Variants in TEN1 observed in about 807,000 individuals in gnomAD.
The protein encoded by TEN1 is TEN1 subunit of CST complex, also known as CST complex subunit TEN1.
In TEN1, 6 loss-of-function variants were observed where a neutral mutation model predicts 9.3. The ratio of observed to expected loss-of-function variants is 0.65; its 90% CI spans 0.35 to 1.27. The LOEUF (loss-of-function observed/expected upper bound fraction) is 1.27. TEN1 is among the 50% of genes most tolerant of loss of function. The pLI, the probability that TEN1 is intolerant of heterozygous loss-of-function variation, is 0.03. For missense variants in TEN1, 149 were observed against 158.2 expected (o/e 0.94, Z 0.31); for synonymous variants, 65 against 65.6 (o/e 0.99, Z 0.04).
At chr17:75,988,936 A>G (rs1598212885) in intron 2 of TEN1, among the ~76,000 whole-genome samples, 1 of 151,414 alleles carries the variant, frequency 6.6e-6, no homozygotes, top group African/African-American at 2.4e-5. Flanking sequence ...ACACCCGGCT[A>G]ATTTTTTTTA....
At chr17:75,996,690 CAG>C (rs2066219401) in intron 3 of TEN1, among the ~76,000 whole-genome samples, 1 of 106,906 alleles carries the variant, frequency 9.4e-6, no homozygotes, top group Non-Finnish European at 1.7e-5. Context: ...GCCTGGGTGA[CAG>C]AGTGAGACCC....
chr17:75,999,641 CAAAA>C (rs2066240981), intron 3 of TEN1, among the ~76,000 whole-genome samples: 1 of 152,124 alleles, frequency 6.6e-6, no homozygotes, highest in Non-Finnish European at 1.5e-5. Flanking sequence ...GTTCACCTGT[CAAAA>C]GAAAGAAAAT....
intron 2 of TEN1, among the ~76,000 whole-genome samples, chr17:75,991,168 A>AAG (rs71161248): frequency 6.7e-6 from 1 of 149,494 alleles, no homozygotes; most frequent in Non-Finnish European, 1.5e-5. Flanking sequence ...AAAAAAAAAA[A>AAG]GAAAAAAGAA....
chr17:75,988,708 TATC>T (rs1439043131), intron 2 of TEN1, among the ~76,000 whole-genome samples: 3 of 152,136 alleles, frequency 2.0e-5, no homozygotes, highest in Non-Finnish European at 4.4e-5. Flanking sequence ...TGTAGATCTA[TATC>T]ATCATTTTGA....
chr17:75,996,786 G>A (rs889720307), intron 3 of TEN1, among the ~76,000 whole-genome samples: 1 of 151,922 alleles, frequency 6.6e-6, no homozygotes, highest in African/African-American at 2.4e-5. Context: ...GAGAAAGGGA[G>A]GGAGGGAAAC....
rs1016457057 is a variant in TEN1, at chr17:76,000,165, G to A, written c.275G>A (p.Arg92His). The change falls in exon 4 of 4, where the codon CGC (arginine) becomes CAC (histidine). Residue 92 changes from arginine (R) to histidine (H), a missense_variant. By Grantham distance (29) the Arg-to-His change is conservative (BLOSUM62 0). Coordinates refer to ENST00000397640, the MANE Select transcript of TEN1 (RefSeq NM_001113324.3). The surrounding 1 kb of genome is among the most constrained non-coding windows in gnomAD (Gnocchi z 5.9). ...GACAGAGGCTCCGTGGTGAAGGCGC[G>A]CGTGCTGACCTGTGTGGAGGGGATG... ...QQDRGSVVKA[R>H]VLTCVEGMNL... is the part of the protein sequence containing the mutation. The A allele has an allele frequency of 7.7e-6, 12 of 1,551,238 alleles. No individual in the cohort carries two copies. Among genetic ancestry groups the A allele is most frequent in the Admixed American group, 2.0e-5 (1 of 50,940 alleles).
At chr17:75,993,904 G>A (rs544167598) in intron 3 of TEN1, among the ~76,000 whole-genome samples, 1 of 152,302 alleles carries the variant, frequency 6.6e-6, no homozygotes, top group South Asian at 2.1e-4. Context: ...GCTGAGGCAG[G>A]AGAATCGCTT....
intron 1 of TEN1, 137 bp from the exon 2 acceptor site, chr17:75,986,045 ATTTTT>A: frequency 1.7e-6 from 1 of 581,630 alleles, no homozygotes; most frequent in Non-Finnish European, 2.8e-6. Flanking sequence ...CCCCCAAAAA[ATTTTT>A]TTTTTAATTT....
At chr17:75,999,250 A>T (rs1181333599) in intron 3 of TEN1, among the ~76,000 whole-genome samples, 1 of 152,030 alleles carries the variant, frequency 6.6e-6, no homozygotes, top group East Asian at 1.9e-4. Context: ...GGAAGCTGAG[A>T]TGATCACCTG....
At chr17:75,992,589 T>A (rs2066192678) in intron 3 of TEN1, among the ~76,000 whole-genome samples, 1 of 150,830 alleles carries the variant, frequency 6.6e-6, no homozygotes, top group Non-Finnish European at 1.5e-5. Flanking sequence ...CTCGGCTCAC[T>A]GCAAGCTCCG....
intron 2 of TEN1, among the ~76,000 whole-genome samples, chr17:75,988,781 T>C (rs572534326): frequency 1.2e-4 from 18 of 150,700 alleles, no homozygotes; most frequent in African/African-American, 4.1e-4. Flanking sequence ...AAGTCTTTTG[T>C]TTTTTTTTGA....
rs2066244891 is a variant in TEN1, at chr17:76,000,110, C to T, written c.251-31C>T. On this transcript the variant is annotated intron_variant, in intron 3 of 3. Transcript: ENST00000397640. The surrounding 1 kb of genome is among the most constrained non-coding windows in gnomAD (Gnocchi z 5.9). ...GGACGTTGTTGACACGCCGCTCAGTCGCCGTTCGTGCCCTGGTGTTTGTCT... is the reference window on the plus strand; with the variant it reads ...GGACGTTGTTGACACGCCGCTCAGTTGCCGTTCGTGCCCTGGTGTTTGTCT... The T allele has an allele frequency of 5.8e-6, 9 of 1,546,794 alleles. No individual in the cohort carries two copies. The highest frequency in any genetic ancestry group is 1.4e-5 in the African/African-American group (1 of 73,078).
At chr17:75,981,767 C>T (rs1236373376) in intron 1 of TEN1, among the ~76,000 whole-genome samples, 16 of 152,088 alleles carry the variant, frequency 1.1e-4, no homozygotes, top group Non-Finnish European at 2.2e-4. Context: ...CGGTGGCTCA[C>T]GCCTATAATC....
intron 3 of TEN1, among the ~76,000 whole-genome samples, chr17:75,996,099 AAG>A (rs2066216489): frequency 1.3e-5 from 2 of 151,906 alleles, no homozygotes; most frequent in African/African-American, 2.4e-5. Context: ...TCTAAAGAAA[AAG>A]AAAAGAGGCT....
intron 3 of TEN1, 141 bp from the exon 4 acceptor site, chr17:76,000,000 G>A: frequency 7.5e-7 from 1 of 1,327,664 alleles, no homozygotes; most frequent in Non-Finnish European, 1.0e-6. Flanking sequence ...AGTTGCCTTT[G>A]CCCCATATGC....
chr17:75,993,507 C>T (rs1348687313), intron 3 of TEN1, among the ~76,000 whole-genome samples: 1 of 152,188 alleles, frequency 6.6e-6, no homozygotes, highest in East Asian at 1.9e-4. Context: ...ATCCAGGCAA[C>T]AGTCCTCGCT....
intron 2 of TEN1, among the ~76,000 whole-genome samples, chr17:75,989,313 C>T (rs552773852): frequency 3.3e-5 from 5 of 151,330 alleles, no homozygotes; most frequent in South Asian, 2.1e-4. Flanking sequence ...GGGGTTTCAC[C>T]GTGTTAGCCA....
At chr17:75,983,680 CAG>C (rs1356372175) in intron 1 of TEN1, among the ~76,000 whole-genome samples, 2 of 152,124 alleles carry the variant, frequency 1.3e-5, no homozygotes, top group East Asian at 3.9e-4. Flanking sequence ...CTGGAAGGCT[CAG>C]AGATTAGACA....
At chr17:75,991,652 C>T in intron 3 of TEN1, 29 bp downstream of exon 3, 4 of 1,547,628 alleles carry the variant, frequency 2.6e-6, no homozygotes, top group East Asian at 2.4e-5. Context: ...TCCCCTTTCT[C>T]ATCCTGGGGC....
Sources: allele counts gnomAD v4.1 joint callset (sites outside exome capture counted in the v4.1 genomes callset), GRCh38; gene constraint gnomAD v4.1.1; non-coding constraint Gnocchi (gnomAD v3.1); transcripts MANE v1.5; gene names NCBI Gene and HGNC (gene_info 2026-07-23, HGNC 2026-07-21).